The following GTF2B variants were observed in gnomAD, a reference collection of about 807,000 sequenced individuals.
GTF2B encodes the protein transcription initiation factor IIB.
Under a neutral mutation model 34.6 loss-of-function variants are expected in GTF2B, and 20 were observed. The ratio of observed to expected loss-of-function variants is 0.58; its 90% confidence interval spans 0.41 to 0.84. The LOEUF is 0.84. GTF2B is among the 40% of genes least tolerant of loss of function. GTF2B has a pLI of 0.00. For missense variants in GTF2B, 237 were observed against 393.3 expected (o/e 0.60, Z 3.36); for synonymous variants, 142 against 132.4 (o/e 1.07, Z -0.50).
chr1:88,871,770 T>G (rs1673697599), intron 2 of GTF2B, among the ~76,000 whole-genome samples: 1 of 152,208 alleles, frequency 6.6e-6, no homozygotes, highest in Non-Finnish European at 1.5e-5. Flanking sequence ...TCACTCTTGT[T>G]GGCCAGGGTG....
intron 2 of GTF2B, among the ~76,000 whole-genome samples, chr1:88,885,634 C>T (rs1030260508): frequency 6.6e-6 from 1 of 151,880 alleles, no homozygotes; most frequent in African/African-American, 2.4e-5. Flanking sequence ...CCTGTAATCC[C>T]AGCTACTTGG....
intron 2 of GTF2B, among the ~76,000 whole-genome samples, chr1:88,865,415 G>A (rs1036717730): frequency 2.6e-5 from 4 of 152,106 alleles, no homozygotes; most frequent in Non-Finnish European, 4.4e-5. Context: ...TAAGGGAGAC[G>A]CATCAGTTTA....
chr1:88,861,917 C>T (rs145482767), intron 3 of GTF2B, among the ~76,000 whole-genome samples: 1 of 152,054 alleles, frequency 6.6e-6, no homozygotes, highest in Non-Finnish European at 1.5e-5. Context: ...GGAGACTGTT[C>T]CACAAATATA....
At position 88,857,494 on chromosome 1, in the gene GTF2B, G is replaced by A; in HGVS notation, c.536-7C>T. 5.4e-6 allele frequency: 8 copies of A among 1,470,756 alleles called. No individual in the cohort carries two copies. Among genetic ancestry groups the A allele is most frequent in the Non-Finnish European group, 6.6e-6 (7 of 1,061,660 alleles). 91.1% of individuals were successfully genotyped at this position (1,470,756 alleles called of 1,614,324 possible). ...CGTGATACGGCACATATTTCTAAAA[G>A]AAAAAAAATTAAATAAATCAATTCA... is the stretch of plus-strand genomic sequence containing the variant. On this transcript the variant is annotated splice_polypyrimidine_tract_variant and splice_region_variant and intron_variant, in intron 5 of 6. Transcript: ENST00000370500.
intron 2 of GTF2B, among the ~76,000 whole-genome samples, chr1:88,877,053 A>C (rs936928453): frequency 6.6e-6 from 1 of 152,244 alleles, no homozygotes. Flanking sequence ...GGTAAATTAT[A>C]AAGTAGTACA....
chr1:88,859,733 G>C, intron 5 of GTF2B, 149 bp downstream of exon 5: 1 of 605,120 alleles, frequency 1.7e-6, no homozygotes, highest in Non-Finnish European at 2.9e-6. Context: ...CTACTCAGGA[G>C]GCTGAGGCAG....
chr1:88,886,495 T>C (rs1674071207), intron 2 of GTF2B, among the ~76,000 whole-genome samples: 1 of 152,080 alleles, frequency 6.6e-6, no homozygotes, highest in Non-Finnish European at 1.5e-5. Flanking sequence ...TATTCATCAA[T>C]AGATGACTGT....
At chr1:88,856,616 G>A (rs1236786723) in intron 6 of GTF2B, among the ~76,000 whole-genome samples, 1 of 151,842 alleles carries the variant, frequency 6.6e-6, no homozygotes, top group African/African-American at 2.4e-5. Context: ...ATGATCAGGA[G>A]GAATATATTC....
intron 2 of GTF2B, among the ~76,000 whole-genome samples, chr1:88,884,096 C>T (rs60138275): frequency 0.12 from 17,064 of 148,020 alleles, 2,376 homozygotes; most frequent in African/African-American, 0.34. Flanking sequence ...GGTGCAATCT[C>T]GGCTCACTGC....
intron 2 of GTF2B, among the ~76,000 whole-genome samples, chr1:88,884,465 T>C (rs1271392036): frequency 2.6e-5 from 4 of 152,242 alleles, no homozygotes; most frequent in Non-Finnish European, 5.9e-5. Context: ...TCCTCAACTC[T>C]TCAAGCAACT....
At position 88,885,800 on chromosome 1, in the gene GTF2B, CAT is replaced by C; in HGVS notation, c.124+1459_124+1460del. 1.3e-5 allele frequency among the ~76,000 whole-genome samples: 2 copies of C among 152,156 alleles called. 1 individual carries two copies. The highest frequency in any genetic ancestry group is 2.9e-5 in the Non-Finnish European group (2 of 68,030). On this transcript the variant is annotated intron_variant, in intron 2 of 6. Coordinates refer to ENST00000370500, the MANE Select transcript of GTF2B (RefSeq NM_001514.6). ...ATAGATACTGAAATTTGTATTTTCA[CAT>C]GTCCTAAAATATTATTTTTGATTTT...
At chr1:88,888,229 C>T (rs1166065927) in intron 1 of GTF2B, among the ~76,000 whole-genome samples, 1 of 152,134 alleles carries the variant, frequency 6.6e-6, no homozygotes, top group Non-Finnish European at 1.5e-5. Context: ...ATCAACTGTT[C>T]TTATAGTATG....
intron 2 of GTF2B, among the ~76,000 whole-genome samples, chr1:88,867,381 C>T (rs1217882118): frequency 6.6e-6 from 1 of 152,022 alleles, no homozygotes; most frequent in African/African-American, 2.4e-5. Flanking sequence ...GAATTTAGTC[C>T]CTTTAATAGC....
Position 88,853,312 on chromosome 1 carries a change from T to C in GTF2B, c.852A>G (p.Thr284=). The change falls in exon 7 of 7, where the codon ACA becomes ACG. Residue 284 remains threonine, a synonymous_variant. Coordinates refer to ENST00000370500, the MANE Select transcript of GTF2B (RefSeq NM_001514.6). ...AGATCAGTCTATAGGACTGTCTGAT[T>C]GTAACATCAGCAACACCAGCAATAT... is the stretch of plus-strand genomic sequence containing the variant. ...IGDIAGVADV[T]IRQSYRLIYP... 1 of 1,612,078 alleles carries C rather than the reference T, an allele frequency of 6.2e-7. No homozygotes were observed. The highest frequency in any genetic ancestry group is 8.5e-7 in the Non-Finnish European group (1 of 1,178,136).
At chr1:88,875,902 GCT>G (rs1409704207) in intron 2 of GTF2B, among the ~76,000 whole-genome samples, 1 of 152,124 alleles carries the variant, frequency 6.6e-6, no homozygotes, top group Non-Finnish European at 1.5e-5. Context: ...GATTTATGTG[GCT>G]CTGTCACTCA....
In GTF2B at chr1:88,852,719, T is replaced by C. The variant is rs1570713914; in HGVS notation, c.*494A>G. Among the ~76,000 whole-genome samples the C allele has an allele frequency of 2.0e-5, 3 of 152,298 alleles. No individual in the cohort carries two copies. In the South Asian group the frequency reaches 6.2e-4, roughly 32 times the overall value. Reference sequence around the variant, plus strand: ...ACTTCTTGTTTAATAATATACATAATAAATCTCACATACACATCCTTTCAA... The same window carrying C: ...ACTTCTTGTTTAATAATATACATAACAAATCTCACATACACATCCTTTCAA... On this transcript the variant is annotated 3_prime_UTR_variant, in exon 7 of 7. Transcript: ENST00000370500.
In GTF2B at chr1:88,887,179, G is replaced by A. The variant is rs536459360; in HGVS notation, c.124+82C>T. ...GGTGATCCTCCCACCTTGGCCTCCC[G>A]AAGTGCTGGAATTACAGGCGTGAGC... On this transcript the variant is annotated intron_variant, in intron 2 of 6. Transcript: ENST00000370500. 3.0e-4 allele frequency: 258 copies of A among 853,634 alleles called. No homozygotes were observed. The African/African-American group carries it at 3.8e-3, about 13-fold the overall frequency. 52.9% of individuals were successfully genotyped at this position (853,634 alleles called of 1,614,324 possible). A position where few individuals can be genotyped will look rare whatever the true frequency, so the allele number is the denominator to read the frequency against.
intron 2 of GTF2B, among the ~76,000 whole-genome samples, chr1:88,886,101 T>TA (rs1190652122): frequency 6.6e-6 from 1 of 152,176 alleles, no homozygotes; most frequent in African/African-American, 2.4e-5. Flanking sequence ...GCCTAGTATA[T>TA]AGTAAACATA....
At chr1:88,864,218 C>T in intron 2 of GTF2B, 104 bp from the exon 3 acceptor site, 3 of 997,570 alleles carry the variant, frequency 3.0e-6, no homozygotes, top group Non-Finnish European at 4.7e-6. Context: ...GAAATCTCAA[C>T]ATGGACATCT....
Sources: allele counts gnomAD v4.1 joint callset (sites outside exome capture counted in the v4.1 genomes callset), GRCh38; gene constraint gnomAD v4.1.1; transcripts MANE v1.5; gene names NCBI Gene and HGNC (gene_info 2026-07-23, HGNC 2026-07-21).